CLN6: variants seen among roughly 807,000 people sequenced by gnomAD.
CLN6 encodes CLN6 transmembrane ER protein, also known as ceroid-lipofuscinosis neuronal protein 6.
Under a neutral mutation model 33.3 loss-of-function variants are expected in CLN6, and 22 were observed. The ratio of observed to expected loss-of-function variants is 0.66; its 90% CI spans 0.47 to 0.94. The LOEUF is 0.94. Ranked by LOEUF, CLN6 falls within the 40% of genes least tolerant of loss-of-function variation. CLN6 has a pLI of 0.00. For synonymous variants in CLN6, 201 were observed against 174.6 expected (o/e 1.15, Z -1.19); for missense variants, 387 against 417.1 (o/e 0.93, Z 0.63).
Position 68,208,098 on chromosome 15 carries a change from AC to A in CLN6, c.*41del. 1 of 448,434 alleles carries A rather than the reference AC, an allele frequency of 2.2e-6. No individual in the cohort carries two copies. The highest frequency in any genetic ancestry group is 3.6e-6 in the Non-Finnish European group (1 of 279,232). 27.8% of individuals were successfully genotyped at this position (448,434 alleles called of 1,614,324 possible). A position where few individuals can be genotyped will look rare whatever the true frequency, so the allele number is the denominator to read the frequency against. On this transcript the variant is annotated 3_prime_UTR_variant, in exon 7 of 7. Transcript: ENST00000249806. This position sits in a 1 kb window ranked among gnomAD's most constrained non-coding sequence, Gnocchi z 5.8. The stretch of plus-strand genomic sequence containing the variant: ...TGTATTCAGATGCCCTCCATGGCCC[AC>A]CCTCCCACCCAGCAGAGCGCCAGAG...
At position 68,246,624 on chromosome 15, in the gene CLN6, T is replaced by A. The variant is rs1416436481; in HGVS notation, c.179+10066A>T. ...GCCTACATCAAAAAAGCAGAAAGAC[T>A]TCAAATAAACAACCTAACAATGCAC... is the stretch of plus-strand genomic sequence containing the variant. On this transcript the variant is annotated intron_variant, in intron 1 of 6. Transcript: ENST00000538696. The surrounding 1 kb of genome is among the most constrained non-coding windows in gnomAD (Gnocchi z 4.5). 2.0e-5 allele frequency among the ~76,000 whole-genome samples: 3 copies of A among 151,520 alleles called. No individual in the cohort carries two copies. Among genetic ancestry groups the A allele is most frequent in the African/African-American group, 7.3e-5 (3 of 41,156 alleles).
At chr15:68,252,099 G>A (rs186730924) in intron 1 of CLN6, among the ~76,000 whole-genome samples, 16 of 150,210 alleles carry the variant, frequency 1.1e-4, no homozygotes, top group Admixed American at 7.4e-4. Flanking sequence ...TCAGCCTCCC[G>A]AGTAGCTGGG....
chr15:68,235,592 ATATATATATATATAT>A (rs1567103358), intron 1 of CLN6, among the ~76,000 whole-genome samples: 5,057 of 104,268 alleles, frequency 0.049, 114 homozygotes, highest in Non-Finnish European at 0.067. Flanking sequence ...AAATAAATAT[ATATATATATATATAT>A]ATATATATAT....
intron 1 of CLN6, among the ~76,000 whole-genome samples, chr15:68,235,809 T>C (rs1370796666): frequency 6.6e-6 from 1 of 152,086 alleles, no homozygotes; most frequent in Non-Finnish European, 1.5e-5. Flanking sequence ...AATTATTCAT[T>C]CAACAATGAT....
chr15:68,254,559 G>C, intron 1 of CLN6: 1 of 501,822 alleles, frequency 2.0e-6, no homozygotes, highest in Non-Finnish European at 3.6e-6. Flanking sequence ...GTGAAAAAGA[G>C]GTGAGAACGA....
chr15:68,254,558 A>C (rs1892412736), intron 1 of CLN6: 5 of 498,064 alleles, frequency 1.0e-5, no homozygotes, highest in Non-Finnish European at 1.5e-5. Flanking sequence ...TGTGAAAAAG[A>C]GGTGAGAACG....
chr15:68,218,609 G>C lies in CLN6; in HGVS notation c.125C>G (p.Pro42Arg). 1 of 1,613,934 alleles carries C rather than the reference G, an allele frequency of 6.2e-7. No homozygotes were observed. The highest frequency in any genetic ancestry group is 8.5e-7 in the Non-Finnish European group (1 of 1,179,952). Residue 42 changes from proline (P) to arginine (R), a missense_variant, in exon 2 of 7, where the codon CCC becomes CGC. Pro to Arg is a moderately radical substitution (Grantham distance 103). Transcript: ENST00000249806. ...VSADEAARTA[P>R]FHLDLWFYFT... ...GTAGAACCAGAGGTCGAGGTGGAAG[G>C]GAGCCGTGCGGGCAGCCTCATCAGC... is the stretch of plus-strand genomic sequence containing the variant.
At chr15:68,237,836 G>A (rs1385613445) in intron 1 of CLN6, among the ~76,000 whole-genome samples, 2 of 152,192 alleles carry the variant, frequency 1.3e-5, no homozygotes, top group African/African-American at 4.8e-5. Context: ...ATCAAGAAGT[G>A]CCTCACAGCC....
At chr15:68,235,229 C>T (rs1001601749) in intron 1 of CLN6, among the ~76,000 whole-genome samples, 1 of 152,124 alleles carries the variant, frequency 6.6e-6, no homozygotes, top group South Asian at 2.1e-4. Context: ...CCAAACCACA[C>T]AGCCTGTCCA....
intron 1 of CLN6, among the ~76,000 whole-genome samples, chr15:68,222,839 C>T (rs2093241796): frequency 6.6e-6 from 1 of 152,182 alleles, no homozygotes; most frequent in Non-Finnish European, 1.5e-5. Flanking sequence ...CAACCCCGTG[C>T]TCTCTGAAAC....
chr15:68,214,203 G>A, intron 3 of CLN6, 87 bp downstream of exon 3: 1 of 1,046,348 alleles, frequency 9.6e-7, no homozygotes, highest in Non-Finnish European at 1.5e-6. Flanking sequence ...GCGTGCTTGA[G>A]TCAGGACACA....
At chr15:68,249,438 A>G (rs1175772219) in intron 1 of CLN6, among the ~76,000 whole-genome samples, 1 of 152,236 alleles carries the variant, frequency 6.6e-6, no homozygotes, top group Non-Finnish European at 1.5e-5. Flanking sequence ...CCATCAACTG[A>G]ATGTATGGAT....
chr15:68,208,056 C>T lies in CLN6; in HGVS notation c.*84G>A. The T allele has an allele frequency of 6.8e-7, 1 of 1,470,190 alleles. No individual in the cohort carries two copies. The highest frequency in any genetic ancestry group is 2.5e-5 in the East Asian group (1 of 40,472). 91.1% of individuals were successfully genotyped at this position (1,470,190 alleles called of 1,614,324 possible). A position where few individuals can be genotyped will look rare whatever the true frequency, so the allele number is the denominator to read the frequency against. ...TGCTCTCGGTCTCTGGTTACACACCCACACCCCCCCTACTCCTGTATTCAG... is the reference window on the plus strand; with the variant it reads ...TGCTCTCGGTCTCTGGTTACACACCTACACCCCCCCTACTCCTGTATTCAG... On this transcript the variant is annotated 3_prime_UTR_variant, in exon 7 of 7. Coordinates refer to ENST00000249806, the MANE Select transcript of CLN6 (RefSeq NM_017882.3). This position sits in a 1 kb window ranked among gnomAD's most constrained non-coding sequence, Gnocchi z 5.8.
chr15:68,246,920 CCA>C lies in CLN6; in HGVS notation c.179+9768_179+9769del, dbSNP rs1288128991. On this transcript the variant is annotated intron_variant, in intron 1 of 6. Transcript: ENST00000538696. The surrounding 1 kb of genome is among the most constrained non-coding windows in gnomAD (Gnocchi z 4.5). ...ACTGTAATCCTAGCACTTTGGGAGGCCAAGGTGGGCAGATCACTTTAGGTCAG... is the reference window on the plus strand; with the variant it reads ...ACTGTAATCCTAGCACTTTGGGAGGCAGGTGGGCAGATCACTTTAGGTCAG... 5.9e-5 allele frequency among the ~76,000 whole-genome samples: 9 copies of C among 152,150 alleles called. No homozygotes were observed. The highest frequency in any genetic ancestry group is 1.2e-4 in the Non-Finnish European group (8 of 68,008).
intron 1 of CLN6, among the ~76,000 whole-genome samples, chr15:68,221,479 G>A (rs1363809432): frequency 2.0e-5 from 3 of 151,952 alleles, no homozygotes; most frequent in South Asian, 2.1e-4. Context: ...TGATCTGCCC[G>A]CCTCGGCCTC....
chr15:68,214,294 A>G lies in CLN6; in HGVS notation c.293T>C (p.Leu98Pro). 3 of 1,612,368 alleles carry G rather than the reference A, an allele frequency of 1.9e-6. No individual in the cohort carries two copies. The highest frequency in any genetic ancestry group is 2.5e-6 in the Non-Finnish European group (3 of 1,178,422). ...GTGGGGGCCCTGGGACAGTACCTTG[A>G]GCAAGAGAAAGGGCGTGATGACGTT... is the stretch of plus-strand genomic sequence containing the variant. ...AYNVITPFLL[L>P]KLIERSPRTL... The change falls in exon 3 of 7, where the codon CTC becomes CCC. Residue 98 changes from leucine (L) to proline (P), a missense_variant. Transcript: ENST00000249806.
At chr15:68,226,911 A>G (rs971185607) in intron 1 of CLN6, among the ~76,000 whole-genome samples, 9 of 152,254 alleles carry the variant, frequency 5.9e-5, no homozygotes, top group African/African-American at 2.2e-4. Flanking sequence ...AAAGAGCTAA[A>G]AGAAGCTAGG....
Position 68,236,017 on chromosome 15 carries a change from G to C in CLN6, c.180-17367C>G, listed in dbSNP as rs113591727. Among the ~76,000 whole-genome samples, 338 of 152,308 alleles carry C rather than the reference G, an allele frequency of 2.2e-3. 1 individual carries two copies. The highest frequency in any genetic ancestry group is 8.0e-3 in the African/African-American group (333 of 41,550). ...TTTTGGTTATTGAAATGATTGAATA[G>C]CAGATTTAAAATAACTAGGTAGGAA... is the stretch of plus-strand genomic sequence containing the variant. On this transcript the variant is annotated intron_variant, in intron 1 of 6. Transcript: ENST00000538696. The surrounding 1 kb of genome is among the most constrained non-coding windows in gnomAD (Gnocchi z 4.5).
At position 68,229,625 on chromosome 15, in the gene CLN6, G is replaced by T; in HGVS notation, c.-41C>A. ...CCCTCGGCCCTGCCTTTCCGAGGAA[G>T]AGACCGGTTCAGCTCGGCTGCCCCG... On this transcript the variant is annotated 5_prime_UTR_variant, in exon 1 of 7. Coordinates refer to ENST00000249806, the MANE Select transcript of CLN6 (RefSeq NM_017882.3). 2 of 1,429,720 alleles carry T rather than the reference G, an allele frequency of 1.4e-6. No individual in the cohort carries two copies. Among genetic ancestry groups the T allele is most frequent in the East Asian group, 6.3e-5 (2 of 31,846 alleles). The allele number at this position is 1,429,720 out of a possible 1,614,324, so 88.6% of individuals were successfully genotyped here.
Sources: gnomAD v4.1 joint callset for allele counts (sites outside exome capture counted in the v4.1 genomes callset) on GRCh38, gnomAD v4.1.1 for gene constraint, Gnocchi (gnomAD v3.1) non-coding constraint, MANE v1.5 for transcripts, NCBI Gene and HGNC (gene_info 2026-07-23, HGNC 2026-07-21) for gene names.